GPR20: variants seen among roughly 807,000 people sequenced by gnomAD.
GPR20 encodes the protein G protein-coupled receptor 20.
For missense variants in GPR20, 494 were observed against 527.4 expected, an observed-to-expected ratio of 0.94 and a Z score of 0.62; for synonymous variants, 241 against 241.9, an observed-to-expected ratio of 1.00 and a Z score of 0.04.
chr8:141,361,860 C>T (rs1276547195), intron 1 of GPR20, among the ~76,000 whole-genome samples: 2 of 152,158 alleles, frequency 1.3e-5, no homozygotes, highest in African/African-American at 4.8e-5. Context: ...GGCAGACCCC[C>T]AGAGCCCCCA....
intron 1 of GPR20, among the ~76,000 whole-genome samples, chr8:141,362,703 C>T (rs994799664): frequency 5.3e-5 from 8 of 152,172 alleles, no homozygotes; most frequent in Non-Finnish European, 1.0e-4. Context: ...CCCGGAAGCC[C>T]GTCCTAATCA....
intron 1 of GPR20, among the ~76,000 whole-genome samples, chr8:141,362,139 G>A (rs1264773926): frequency 6.6e-6 from 1 of 152,180 alleles, no homozygotes; most frequent in African/African-American, 2.4e-5. Context: ...AACTACTAGC[G>A]GGGCCTAAAC....
intron 1 of GPR20, among the ~76,000 whole-genome samples, chr8:141,359,499 C>T (rs1831701827): frequency 6.6e-6 from 1 of 152,208 alleles, no homozygotes; most frequent in Non-Finnish European, 1.5e-5. Flanking sequence ...AAGTGCTGCC[C>T]AGGCCTGTGC....
chr8:141,362,158 C>T (rs868170978), intron 1 of GPR20, among the ~76,000 whole-genome samples: 47 of 152,334 alleles, frequency 3.1e-4, no homozygotes, highest in African/African-American at 9.9e-4. Context: ...ACACTCCATG[C>T]GCCCTCCAGG....
rs199724410 is a variant in GPR20, at chr8:141,357,854, G to A, written c.70C>T (p.Arg24Trp). The part of the protein sequence containing the change: ...VPNATAVTTV[R>W]TNASGLEVPL... ...ACCTCCAGCCCGCTGGCATTGGTCC[G>A]CACTGTTGTCACTGCGGTGGCATTG... Residue 24 changes from arginine to tryptophan, a missense_variant, in exon 2 of 2, where the codon CGG (arginine) becomes TGG (tryptophan). Coordinates refer to ENST00000377741, the MANE Select transcript of GPR20 (RefSeq NM_005293.3). 3.0e-4 allele frequency: 489 copies of A among 1,611,808 alleles called. 1 individual carries two copies. Among genetic ancestry groups the A allele is most frequent in the Middle Eastern group, 1.7e-3 (10 of 6,054 alleles).
chr8:141,361,014 G>A (rs1831727544), intron 1 of GPR20, among the ~76,000 whole-genome samples: 1 of 152,230 alleles, frequency 6.6e-6, no homozygotes, highest in South Asian at 2.1e-4. Context: ...GGGTGTGGGG[G>A]AGATGGTCCT....
Position 141,364,295 on chromosome 8 carries a change from A to G in GPR20, c.-25+2906T>C, listed in dbSNP as rs370348812. On this transcript the variant is annotated intron_variant, in intron 1 of 1. Coordinates refer to ENST00000377741, the MANE Select transcript of GPR20 (RefSeq NM_005293.3). The stretch of plus-strand genomic sequence containing the variant: ...GGCCCTCATGGCCTTCCAGGGCTAA[A>G]ATAGCCATGATTCGGGGAACTGTCT... Among the ~76,000 whole-genome samples the G allele has an allele frequency of 2.0e-4, 31 of 152,362 alleles. No individual in the cohort carries two copies. In the East Asian group the frequency reaches 5.6e-3, roughly 27 times the overall value.
At position 141,357,389 on chromosome 8, in the gene GPR20, C is replaced by G; in HGVS notation, c.535G>C (p.Gly179Arg). ...CCCAGCACCGACAGGGTGACGGCACCGGCGGCCAGCCACACGAAGGCGCAC... is the reference window on the plus strand; with the variant it reads ...CCCAGCACCGACAGGGTGACGGCACGGGCGGCCAGCCACACGAAGGCGCAC... ...AVCAFVWLAA[G>R]AVTLSVLGVT... Residue 179 changes from glycine to arginine, a missense_variant, in exon 2 of 2, where the codon GGT becomes CGT. Physicochemically the swap from Gly to Arg is moderately radical, Grantham distance 125. Coordinates refer to ENST00000377741, the MANE Select transcript of GPR20 (RefSeq NM_005293.3). 6.3e-7 allele frequency: 1 copy of G among 1,581,364 alleles called. No individual in the cohort carries two copies. The highest frequency in any genetic ancestry group is 1.3e-5 in the African/African-American group (1 of 74,460).
In GPR20 at chr8:141,357,627, A is replaced by T. The variant is rs762977569; in HGVS notation, c.297T>A (p.Asp99Glu). Residue 99 changes from aspartate (D) to glutamate (E), a missense_variant, in exon 2 of 2, where the codon GAT (aspartate) becomes GAA (glutamate). Transcript: ENST00000377741. Reference sequence around the variant, plus strand: ...TGGGCAGGGACAGCCCTACCAGTAGATCGGTCACCACCAGGTTGATGGTGT... The same window carrying T: ...TGGGCAGGGACAGCCCTACCAGTAGTTCGGTCACCACCAGGTTGATGGTGT... ...VIYTINLVVT[D>E]LLVGLSLPTR... The T allele has an allele frequency of 1.9e-6, 3 of 1,613,940 alleles. No homozygotes were observed. Among genetic ancestry groups the T allele is most frequent in the Admixed American group, 1.7e-5 (1 of 60,024 alleles).
Position 141,357,103 on chromosome 8 carries a change from G to T in GPR20, c.821C>A (p.Thr274Lys). The change falls in exon 2 of 2, where the codon ACG becomes AAG. Residue 274 changes from threonine (T) to lysine (K), a missense_variant. Coordinates refer to ENST00000377741, the MANE Select transcript of GPR20 (RefSeq NM_005293.3). ...GGCCACGTGGTAGACCACGAGGCTCGTGTGGTGTGGCATGTCGGGCCACAG... is the reference window on the plus strand; with the variant it reads ...GGCCACGTGGTAGACCACGAGGCTCTTGTGGTGTGGCATGTCGGGCCACAG... ...VALWPDMPHH[T>K]SLVVYHVAVT... 6.2e-7 allele frequency: 1 copy of T among 1,612,216 alleles called. No homozygotes were observed. The highest frequency in any genetic ancestry group is 8.5e-7 in the Non-Finnish European group (1 of 1,179,922).
intron 1 of GPR20, among the ~76,000 whole-genome samples, chr8:141,363,960 C>T (rs1831777672): frequency 6.6e-6 from 1 of 152,214 alleles, no homozygotes; most frequent in Admixed American, 6.5e-5. Flanking sequence ...GGGCTCTGAG[C>T]ACCTGCTAAG....
In GPR20 at chr8:141,357,565, A is replaced by T; in HGVS notation, c.359T>A (p.Leu120Gln). The change falls in exon 2 of 2, where the codon CTG becomes CAG. Residue 120 changes from leucine to glutamine, a missense_variant. Leu to Gln is a moderately radical substitution (Grantham distance 113). Coordinates refer to ENST00000377741, the MANE Select transcript of GPR20 (RefSeq NM_005293.3). The part of the protein sequence containing the change: ...FAVYYGARGC[L>Q]RCAFPHVLGY... ...GAGGACGTGCGGGAAGGCACAGCGC[A>T]GGCAGCCCCTGGCGCCGTAGTACAC... 1.2e-6 allele frequency: 2 copies of T among 1,613,868 alleles called. No individual in the cohort carries two copies. The highest frequency in any genetic ancestry group is 1.7e-6 in the Non-Finnish European group (2 of 1,179,994).
chr8:141,356,626 C>A lies in GPR20; in HGVS notation c.*221G>T. Reference sequence around the variant, plus strand: ...CAGTGGACGTGCTATACCCCAGGAACAGCAAATCACCGGCATTCAGGCCAC... The same window carrying A: ...CAGTGGACGTGCTATACCCCAGGAAAAGCAAATCACCGGCATTCAGGCCAC... On this transcript the variant is annotated 3_prime_UTR_variant, in exon 2 of 2. Coordinates refer to ENST00000377741, the MANE Select transcript of GPR20 (RefSeq NM_005293.3). 6.0e-6 allele frequency: 3 copies of A among 497,578 alleles called. No homozygotes were observed. The highest frequency in any genetic ancestry group is 1.1e-5 in the Non-Finnish European group (3 of 283,050). 30.8% of individuals were successfully genotyped at this position (497,578 alleles called of 1,614,324 possible).
chr8:141,365,110 G>T (rs1831795431), intron 1 of GPR20, among the ~76,000 whole-genome samples: 1 of 152,198 alleles, frequency 6.6e-6, no homozygotes, highest in Admixed American at 6.5e-5. Context: ...GCCACCTGGT[G>T]AAGGCTCCGG....
intron 1 of GPR20, among the ~76,000 whole-genome samples, chr8:141,359,465 C>T (rs1831701306): frequency 6.6e-6 from 1 of 152,216 alleles, no homozygotes; most frequent in Non-Finnish European, 1.5e-5. Flanking sequence ...GTGCGTGCTA[C>T]CCTGGAGGCT....
chr8:141,362,631 C>T (rs1051356901), intron 1 of GPR20, among the ~76,000 whole-genome samples: 1 of 152,198 alleles, frequency 6.6e-6, no homozygotes, highest in Non-Finnish European at 1.5e-5. Context: ...AATTGGCTTC[C>T]ACCCCCAGCC....
rs375258048 is a variant in GPR20, at chr8:141,357,246, C to T, written c.678G>A (p.Pro226=). Residue 226 remains proline, a synonymous_variant, in exon 2 of 2, where the codon CCG becomes CCA. Transcript: ENST00000377741. The part of the protein sequence containing the change: ...TGRIMCALSR[P]GLLHQGRQRR... ...GCTGGCGACCCTGGTGGAGCAGACCCGGCCGCGACAGTGCACACATGATGC... is the reference window on the plus strand; with the variant it reads ...GCTGGCGACCCTGGTGGAGCAGACCTGGCCGCGACAGTGCACACATGATGC... 62 of 1,546,192 alleles carry T rather than the reference C, an allele frequency of 4.0e-5. No homozygotes were observed. The East Asian group carries it at 6.8e-4, about 17-fold the overall frequency.
chr8:141,356,955 A>G lies in GPR20; in HGVS notation c.969T>C (p.Gly323=). The part of the protein sequence containing the change: ...GQHGEREPSS[G]DVVSMHRSSK... ...AGCTCCTGTGCATGCTGACCACGTCACCGCTGCTGGGCTCACGCTCTCCGT... is the reference window on the plus strand; with the variant it reads ...AGCTCCTGTGCATGCTGACCACGTCGCCGCTGCTGGGCTCACGCTCTCCGT... Residue 323 remains glycine (G), a synonymous_variant, in exon 2 of 2, where the codon GGT becomes GGC. Transcript: ENST00000377741. 1 of 1,613,076 alleles carries G rather than the reference A, an allele frequency of 6.2e-7. No homozygotes were observed.
At chr8:141,366,677 G>A (rs1831818279) in intron 1 of GPR20, among the ~76,000 whole-genome samples, 3 of 152,112 alleles carry the variant, frequency 2.0e-5, no homozygotes, top group African/African-American at 7.2e-5. Flanking sequence ...GGAGCATGGC[G>A]CTTGGAGCCC....
Sources: allele counts gnomAD v4.1 joint callset (sites outside exome capture counted in the v4.1 genomes callset), GRCh38; gene constraint gnomAD v4.1.1; transcripts MANE v1.5; gene names NCBI Gene and HGNC (gene_info 2026-07-23, HGNC 2026-07-21).